BUB1B: variants seen among roughly 807,000 people sequenced by gnomAD.
BUB1B encodes mitotic checkpoint serine/threonine-protein kinase BUB1 beta.
Under a neutral mutation model 137.7 loss-of-function variants are expected in BUB1B, and 86 were observed. The ratio of observed to expected loss-of-function variants is 0.62; its 90% CI spans 0.52 to 0.75. BUB1B has a LOEUF of 0.75. Among genes scored for constraint, BUB1B ranks in the 30% least tolerant of loss-of-function variants. The pLI is 0.00. For missense variants in BUB1B, 1,130 were observed against 1,236.9 expected (o/e 0.91, Z 1.30); for synonymous variants, 420 against 417.9 (o/e 1.00, Z -0.06).
At chr15:40,208,817 A>G in intron 16 of BUB1B, 47 bp downstream of exon 16, 2 of 1,564,400 alleles carry the variant, frequency 1.3e-6, no homozygotes, top group African/African-American at 1.3e-5. Context: ...ACACTTGTTT[A>G]TCTCAGCAAA....
At chr15:40,199,820 C>T in intron 10 of BUB1B, 93 bp downstream of exon 10, 1 of 989,826 alleles carries the variant, frequency 1.0e-6, no homozygotes, top group Non-Finnish European at 1.6e-6. Flanking sequence ...TCCCAACCCC[C>T]ATTTAGAGTT....
chr15:40,172,971 A>C (rs73389525), intron 4 of BUB1B, among the ~76,000 whole-genome samples: 4,461 of 152,234 alleles, frequency 0.029, 212 homozygotes, highest in African/African-American at 0.1. Flanking sequence ...ATATCTTTAC[A>C]TGTAATTTAT....
At chr15:40,179,988 A>ATATATATC (rs1555381477) in intron 5 of BUB1B, among the ~76,000 whole-genome samples, 2 of 142,506 alleles carry the variant, frequency 1.4e-5, no homozygotes, top group African/African-American at 5.0e-5. Flanking sequence ...ATATATATAT[A>ATATATATC]TCTCTTAAAT....
Position 40,185,374 on chromosome 15 carries a change from C to CACAG in BUB1B, c.962_965dup (p.Pro323GlnfsTer36), listed in dbSNP as rs769024588. The CACAG allele has an allele frequency of 6.2e-7, 1 of 1,614,074 alleles. No homozygotes were observed. The highest frequency in any genetic ancestry group is 1.1e-5 in the South Asian group (1 of 91,076). On this transcript the variant is annotated frameshift_variant, in exon 7 of 23. Transcript: ENST00000287598. LOFTEE classifies it high-confidence loss of function. ...TTGGAACACAGGCAGGTCCTTGGAA[C>CACAG]ACAGGGTAAGGACTCTTAGATCCAG...
chr15:40,198,130 A>G (rs2037519969), intron 9 of BUB1B, among the ~76,000 whole-genome samples: 1 of 152,170 alleles, frequency 6.6e-6, no homozygotes, highest in Admixed American at 6.5e-5. Flanking sequence ...GAAAAGGTAC[A>G]TTTTGTTTTC....
At chr15:40,198,269 ATCTCCCTGTGTTGCCCAGGCTGG>A (rs2037523061) in intron 9 of BUB1B, among the ~76,000 whole-genome samples, 1 of 148,544 alleles carries the variant, frequency 6.7e-6, no homozygotes, top group South Asian at 2.1e-4. Context: ...GAGAGATGGG[ATCTCCCTGTGTTGCCCAGGCTGG>A]TCTCAAACTC....
In BUB1B at chr15:40,192,718, A is replaced by G. The variant is rs556072820; in HGVS notation, c.1059-3827A>G. ...TTCCTCTGCATCTTCTTCTGACACA[A>G]TACCTCATTTATAGTGCTGAATGAT... On this transcript the variant is annotated intron_variant, in intron 8 of 22. Coordinates refer to ENST00000287598, the MANE Select transcript of BUB1B (RefSeq NM_001211.6). 4.6e-5 allele frequency among the ~76,000 whole-genome samples: 7 copies of G among 152,310 alleles called. No individual in the cohort carries two copies. The South Asian group carries it at 6.2e-4, about 14-fold the overall frequency.
intron 8 of BUB1B, among the ~76,000 whole-genome samples, chr15:40,189,738 T>C (rs961133125): frequency 7.2e-5 from 11 of 152,224 alleles, no homozygotes; most frequent in African/African-American, 2.4e-4. Flanking sequence ...AGGAGAGGAA[T>C]TGCTGGATCG....
In BUB1B at chr15:40,185,316, C is replaced by A; in HGVS notation, c.903C>A (p.Pro301=). The A allele has an allele frequency of 6.2e-7, 1 of 1,614,172 alleles. No individual in the cohort carries two copies. The highest frequency in any genetic ancestry group is 1.1e-5 in the South Asian group (1 of 91,086). Residue 301 remains proline, a synonymous_variant, in exon 7 of 23, where the codon CCC becomes CCA. Coordinates refer to ENST00000287598, the MANE Select transcript of BUB1B (RefSeq NM_001211.6). ...AGCCATGGATAGCACCCCCCATGCCCAGGGCCAAAGAGAATGAGCTGCAAG... is the reference window on the plus strand; with the variant it reads ...AGCCATGGATAGCACCCCCCATGCCAAGGGCCAAAGAGAATGAGCTGCAAG... The part of the protein sequence containing the change: ...TVQPWIAPPM[P]RAKENELQAG...
intron 2 of BUB1B, among the ~76,000 whole-genome samples, chr15:40,165,895 C>A (rs1022568875): frequency 1.3e-5 from 2 of 151,804 alleles, no homozygotes; most frequent in Non-Finnish European, 2.9e-5. Flanking sequence ...CTCTATCACC[C>A]AGGTTGGAGT....
At position 40,170,586 on chromosome 15, in the gene BUB1B, A is replaced by G. The variant is rs756102609; in HGVS notation, c.289A>G (p.Asn97Asp). 8.7e-6 allele frequency: 14 copies of G among 1,613,068 alleles called. No homozygotes were observed. The highest frequency in any genetic ancestry group is 2.7e-5 in the African/African-American group (2 of 74,920). ...QNYPQGGKES[N>D]MSTLLERAVE... ...CTATCCTCAAGGTGGGAAGGAGAGT[A>G]ATATGTCAACGTTATTAGAAAGAGC... The change falls in exon 4 of 23, where the codon AAT becomes GAT. Residue 97 changes from asparagine to aspartate, a missense_variant. Physicochemically the swap from Asn to Asp is conservative, Grantham distance 23. Coordinates refer to ENST00000287598, the MANE Select transcript of BUB1B (RefSeq NM_001211.6).
intron 5 of BUB1B, among the ~76,000 whole-genome samples, chr15:40,183,299 A>T (rs966243908): frequency 1.3e-5 from 2 of 152,200 alleles, no homozygotes; most frequent in African/African-American, 4.8e-5. Flanking sequence ...GCGCGCATGC[A>T]TGTGTATAGA....
At chr15:40,187,550 C>T (rs1184680197) in intron 8 of BUB1B, among the ~76,000 whole-genome samples, 1 of 151,332 alleles carries the variant, frequency 6.6e-6, no homozygotes, top group Non-Finnish European at 1.5e-5. Context: ...ATGATCATGC[C>T]ACAGCACTCC....
At chr15:40,203,077 AAC>A (rs1488658267) in intron 14 of BUB1B, among the ~76,000 whole-genome samples, 2 of 152,214 alleles carry the variant, frequency 1.3e-5, no homozygotes, top group Admixed American at 1.3e-4. Flanking sequence ...AATAATTGAA[AAC>A]ACATGTTCAT....
rs777100424 is a variant in BUB1B, at chr15:40,218,500, C to A, written c.2895C>A (p.Phe965Leu). 1 of 1,614,082 alleles carries A rather than the reference C, an allele frequency of 6.2e-7. No individual in the cohort carries two copies. The highest frequency in any genetic ancestry group is 1.7e-5 in the Admixed American group (1 of 60,014). Residue 965 changes from phenylalanine (F) to leucine (L), a missense_variant, in exon 22 of 23, where the codon TTC (phenylalanine) becomes TTA (leucine). By Grantham distance (22) the Phe-to-Leu change is conservative. Transcript: ENST00000287598. ...GIADLAHLLL[F>L]KEHLQVFWDG... ...CAGATTTAGCACATTTACTATTGTT[C>A]AAGGAACACCTACAGGTCTTCTGGG... is the stretch of plus-strand genomic sequence containing the variant.
intron 10 of BUB1B, chr15:40,199,936 A>T: frequency 1.7e-6 from 1 of 598,100 alleles, no homozygotes; most frequent in Non-Finnish European, 3.0e-6. Flanking sequence ...GGTGCAGTTT[A>T]TTGACTTCTT....
chr15:40,213,043 A>C (rs1041066534), intron 19 of BUB1B, among the ~76,000 whole-genome samples: 4 of 151,944 alleles, frequency 2.6e-5, no homozygotes, highest in African/African-American at 9.7e-5. Context: ...GATAATATGA[A>C]TTCTCAAAAA....
rs967074229 is a variant in BUB1B, at chr15:40,202,410, A to G, written c.1573A>G (p.Ser525Gly). 5.0e-6 allele frequency: 8 copies of G among 1,609,796 alleles called. No homozygotes were observed. The highest frequency in any genetic ancestry group is 1.1e-5 in the South Asian group (1 of 90,754). ...TCTAGTCTCTCTTTCTCTAGGTCCC[A>G]GTGTACCTTTCTCCATTTTTGATGA... is the stretch of plus-strand genomic sequence containing the variant. ...WQEQPHSKGP[S>G]VPFSIFDEFL... The change falls in exon 13 of 23, where the codon AGT becomes GGT. Residue 525 changes from serine to glycine, a missense_variant. Physicochemically the swap from Ser to Gly is moderately conservative, Grantham distance 56. Coordinates refer to ENST00000287598, the MANE Select transcript of BUB1B (RefSeq NM_001211.6).
chr15:40,170,652 C>T lies in BUB1B; in HGVS notation c.355C>T (p.Pro119Ser). ...AGGAGAAAAACGATATTATAGTGAT[C>T]CTCGATTTCTCAATCTCTGGCTTAA... ...LQGEKRYYSDPRFLNLWLKLG... is the reference protein window; with the variant it reads ...LQGEKRYYSDSRFLNLWLKLG... The change falls in exon 4 of 23, where the codon CCT (proline) becomes TCT (serine). Residue 119 changes from proline to serine, a missense_variant. Transcript: ENST00000287598. 4 of 1,613,654 alleles carry T rather than the reference C, an allele frequency of 2.5e-6. No individual in the cohort carries two copies. The highest frequency in any genetic ancestry group is 3.4e-6 in the Non-Finnish European group (4 of 1,179,740).
Sources: allele counts gnomAD v4.1 joint callset (sites outside exome capture counted in the v4.1 genomes callset), GRCh38; gene constraint gnomAD v4.1.1; transcripts MANE v1.5; gene names NCBI Gene and HGNC (gene_info 2026-07-23, HGNC 2026-07-21).